NFATC3: variants seen among roughly 807,000 people sequenced by gnomAD.
The protein encoded by NFATC3 is nuclear factor of activated T cells 3.
Under a neutral mutation model 98.6 loss-of-function variants are expected in NFATC3, and 46 were observed. The ratio of observed to expected loss-of-function variants is 0.47; its 90% confidence interval spans 0.37 to 0.60. The LOEUF (loss-of-function observed/expected upper bound fraction) is 0.60, where lower values mean the gene tolerates loss of function less well. Ranked by LOEUF, NFATC3 falls within the 20% of genes least tolerant of loss-of-function variation. NFATC3 has a pLI of 0.00. For synonymous variants in NFATC3, 512 were observed against 472.2 expected (o/e 1.08, Z -1.09); for missense variants, 1,256 against 1,295.5 (o/e 0.97, Z 0.47).
intron 1 of NFATC3, among the ~76,000 whole-genome samples, chr16:68,112,745 G>T (rs1439719205): frequency 7.4e-6 from 1 of 134,462 alleles, no homozygotes; most frequent in African/African-American, 2.8e-5. Context: ...TGCAAGCTCC[G>T]CTTCCTGGGT....
intron 3 of NFATC3, among the ~76,000 whole-genome samples, chr16:68,149,495 A>G (rs116864492): frequency 6.6e-6 from 1 of 152,368 alleles, no homozygotes; most frequent in East Asian, 1.9e-4. Context: ...AAAAGGAAAT[A>G]TAATTAAAAT....
chr16:68,149,417 G>A (rs1448538914), intron 3 of NFATC3, among the ~76,000 whole-genome samples: 2 of 152,072 alleles, frequency 1.3e-5, no homozygotes, highest in African/African-American at 2.4e-5. Flanking sequence ...TTGGATTTTT[G>A]TTTATGCAGC....
Position 68,183,463 on chromosome 16 carries a change from C to T in NFATC3, c.2098+97C>T, listed in dbSNP as rs1321239879. 1.8e-5 allele frequency: 24 copies of T among 1,361,356 alleles called. No individual in the cohort carries two copies. In the East Asian group the frequency reaches 5.5e-4, roughly 31 times the overall value. 84.3% of individuals were successfully genotyped at this position (1,361,356 alleles called of 1,614,324 possible). The stretch of plus-strand genomic sequence containing the variant: ...ATATTACAGTGTTTAAGGTAGAGTG[C>T]TTATAAACAATGAAAACACCAACAG... On this transcript the variant is annotated intron_variant, in intron 8 of 9. Coordinates refer to ENST00000346183, the MANE Select transcript of NFATC3 (RefSeq NM_173165.3).
At chr16:68,156,892 T>C (rs902113856) in intron 3 of NFATC3, among the ~76,000 whole-genome samples, 8 of 152,022 alleles carry the variant, frequency 5.3e-5, no homozygotes, top group Non-Finnish European at 2.9e-5. Flanking sequence ...TGAGCAGAGA[T>C]CGTACCACTA....
intron 3 of NFATC3, among the ~76,000 whole-genome samples, chr16:68,150,814 T>C (rs1308549366): frequency 6.6e-6 from 1 of 152,156 alleles, no homozygotes; most frequent in East Asian, 1.9e-4. Flanking sequence ...TGCTGTTCTC[T>C]TGATAGTGAG....
intron 9 of NFATC3, among the ~76,000 whole-genome samples, chr16:68,196,181 G>A (rs188489502): frequency 4.6e-5 from 7 of 151,914 alleles, no homozygotes; most frequent in East Asian, 1.9e-4. Flanking sequence ...GTGCAGTGGC[G>A]CAATCACAGC....
intron 3 of NFATC3, among the ~76,000 whole-genome samples, chr16:68,145,522 A>G (rs868331071): frequency 6.6e-6 from 1 of 152,252 alleles, no homozygotes; most frequent in Non-Finnish European, 1.5e-5. Context: ...CATACAATGT[A>G]CTACCACTCA....
chr16:68,170,492 T>C (rs191652928), intron 5 of NFATC3, among the ~76,000 whole-genome samples: 1 of 150,370 alleles, frequency 6.7e-6, no homozygotes, highest in Non-Finnish European at 1.5e-5. Flanking sequence ...TTTCTGGCTG[T>C]TCTTTTTTTT....
intron 1 of NFATC3, among the ~76,000 whole-genome samples, chr16:68,111,149 C>G (rs2035924710): frequency 6.6e-6 from 1 of 152,012 alleles, no homozygotes; most frequent in South Asian, 2.1e-4. Context: ...TCTACTTGAT[C>G]ACAGCTGAAC....
At chr16:68,137,702 C>T (rs2037504344) in intron 3 of NFATC3, among the ~76,000 whole-genome samples, 1 of 151,872 alleles carries the variant, frequency 6.6e-6, no homozygotes. Flanking sequence ...CAAGCTCCGC[C>T]TCCTGGGTTC....
At chr16:68,204,721 A>T (rs111656896) in intron 9 of NFATC3, among the ~76,000 whole-genome samples, 6 of 152,364 alleles carry the variant, frequency 3.9e-5, no homozygotes, top group African/African-American at 1.4e-4. Flanking sequence ...TGTGTAAGAT[A>T]GCAAAACCTG....
chr16:68,087,858 A>G (rs2034475724), intron 1 of NFATC3, among the ~76,000 whole-genome samples: 1 of 152,146 alleles, frequency 6.6e-6, no homozygotes, highest in African/African-American at 2.4e-5. Flanking sequence ...ATAATATTCC[A>G]TCGTGTGTGT....
chr16:68,127,350 G>A (rs377517890), intron 3 of NFATC3, among the ~76,000 whole-genome samples: 2 of 152,204 alleles, frequency 1.3e-5, no homozygotes, highest in East Asian at 1.9e-4. Flanking sequence ...TGTATATTTA[G>A]TGGAAGACTG....
intron 3 of NFATC3, among the ~76,000 whole-genome samples, chr16:68,129,006 G>A (rs7196968): frequency 6.6e-6 from 1 of 152,104 alleles, no homozygotes; most frequent in Non-Finnish European, 1.5e-5. Context: ...TGAGGCAGTA[G>A]GATTGCTGGA....
intron 3 of NFATC3, among the ~76,000 whole-genome samples, chr16:68,135,126 G>C (rs562297888): frequency 2.6e-5 from 4 of 151,968 alleles, no homozygotes; most frequent in African/African-American, 7.3e-5. Context: ...TGCCTTCAGA[G>C]TGCACAAGTG....
At chr16:68,096,496 G>A (rs1251503530) in intron 1 of NFATC3, among the ~76,000 whole-genome samples, 2 of 152,158 alleles carry the variant, frequency 1.3e-5, no homozygotes, top group African/African-American at 4.8e-5. Context: ...ATTAAGTTTT[G>A]TTAAGTGTCA....
intron 5 of NFATC3, among the ~76,000 whole-genome samples, chr16:68,171,753 A>G (rs111967459): frequency 0.14 from 20,891 of 150,560 alleles, 1,497 homozygotes; most frequent in South Asian, 0.2. Flanking sequence ...GGGATTACAG[A>G]CGTGAGCCAC....
At chr16:68,143,471 G>A (rs1345192426) in intron 3 of NFATC3, among the ~76,000 whole-genome samples, 1 of 152,094 alleles carries the variant, frequency 6.6e-6, no homozygotes, top group Non-Finnish European at 1.5e-5. Context: ...GGAGCAATTG[G>A]ACACCCATAA....
chr16:68,172,309 C>T (rs1404380708), intron 5 of NFATC3, among the ~76,000 whole-genome samples: 1 of 152,114 alleles, frequency 6.6e-6, no homozygotes, highest in Non-Finnish European at 1.5e-5. Flanking sequence ...CTCTGCTAGC[C>T]AAAGAAAACA....
Sources: gnomAD v4.1 joint callset for allele counts (sites outside exome capture counted in the v4.1 genomes callset) on GRCh38, gnomAD v4.1.1 for gene constraint, MANE v1.5 for transcripts, NCBI Gene and HGNC (gene_info 2026-07-23, HGNC 2026-07-21) for gene names.